CCDC7: variants seen among roughly 807,000 people sequenced by gnomAD.
CCDC7 encodes coiled-coil domain-containing protein 7.
Under a neutral mutation model 196.9 loss-of-function variants are expected in CCDC7, and 183 were observed. The observed-to-expected ratio is 0.93, with a 90% confidence interval of 0.82 to 1.05. CCDC7 has a LOEUF of 1.05. Among genes scored for constraint, CCDC7 ranks in the 50% least tolerant of loss-of-function variants. The probability of loss-of-function intolerance (pLI) is 0.00; values close to 1 mark genes in which losing one functional copy is unlikely to be tolerated. For synonymous variants in CCDC7, 525 were observed against 484.6 expected (o/e 1.08, Z -1.10); for missense variants, 1,540 against 1,482.2 (o/e 1.04, Z -0.64).
intron 25 of CCDC7, among the ~76,000 whole-genome samples, chr10:32,720,553 C>T (rs193178701): frequency 1.1e-4 from 16 of 152,112 alleles, no homozygotes; most frequent in Middle Eastern, 6.8e-3. Context: ...GCACATGTAT[C>T]CCAGAACTTA....
At position 32,828,492 on chromosome 10, in the gene CCDC7, GAAGAAGAA is replaced by G. The variant is rs2091647778; in HGVS notation, c.3268+3889_3268+3896del. 4.0e-3 allele frequency among the ~76,000 whole-genome samples: 361 copies of G among 89,772 alleles called. 1 individual carries two copies. Among genetic ancestry groups the G allele is most frequent in the Middle Eastern group, 0.012 (2 of 170 alleles). 58.9% of individuals were successfully genotyped at this position (89,772 alleles called of 152,430 possible). A position where few individuals can be genotyped will look rare whatever the true frequency, so the allele number is the denominator to read the frequency against. On this transcript the variant is annotated intron_variant, in intron 32 of 41. Transcript: ENST00000639629. ...GGAAGAGGAAGAGGAAGAGGAAGAA[GAAGAAGAA>G]GAAGAAGAAGAAGAAGAAGAAGAAG...
At chr10:32,638,800 G>C (rs973496110) in intron 20 of CCDC7, among the ~76,000 whole-genome samples, 13 of 152,168 alleles carry the variant, frequency 8.5e-5, no homozygotes, top group Admixed American at 2.6e-4. Context: ...GTTTCAGAAG[G>C]AATGGTACCA....
intron 28 of CCDC7, among the ~76,000 whole-genome samples, chr10:32,769,930 G>A (rs752783863): frequency 5.3e-5 from 8 of 152,060 alleles, no homozygotes; most frequent in South Asian, 2.1e-4. Flanking sequence ...GAATAGTGCC[G>A]CAATAAACAT....
intron 9 of CCDC7, among the ~76,000 whole-genome samples, chr10:32,507,364 A>C (rs1403915039): frequency 6.6e-6 from 1 of 152,118 alleles, no homozygotes; most frequent in Non-Finnish European, 1.5e-5. Flanking sequence ...AAATCCATTC[A>C]GCCACTTGAC....
intron 24 of CCDC7, among the ~76,000 whole-genome samples, chr10:32,703,217 C>G (rs981127377): frequency 5.3e-5 from 8 of 152,032 alleles, no homozygotes; most frequent in Non-Finnish European, 8.8e-5. Context: ...CTGGTGGTGA[C>G]AAAATCTCTC....
At chr10:32,701,151 C>T (rs532748285) in intron 24 of CCDC7, among the ~76,000 whole-genome samples, 11 of 152,256 alleles carry the variant, frequency 7.2e-5, no homozygotes, top group South Asian at 2.1e-4. Flanking sequence ...AAAGGGAATG[C>T]GTCCAGTTTT....
chr10:32,722,748 G>A lies in CCDC7; in HGVS notation c.2570-3986G>A, dbSNP rs115342245. Among the ~76,000 whole-genome samples the A allele has an allele frequency of 6.4e-3, 974 of 152,122 alleles. 9 individuals carry two copies. The highest frequency in any genetic ancestry group is 0.022 in the African/African-American group (924 of 41,518). On this transcript the variant is annotated intron_variant, in intron 25 of 41. Coordinates refer to ENST00000639629, the Ensembl canonical transcript of CCDC7. ...TCACATTCTGAGATACTGAGGGTTAGGACTTCAACTTACCTGTTTTAGAGG... is the reference window on the plus strand; with the variant it reads ...TCACATTCTGAGATACTGAGGGTTAAGACTTCAACTTACCTGTTTTAGAGG...
At chr10:32,567,759 A>G (rs776491831) in exon 15 of CCDC7, 7 of 1,613,648 alleles carry the variant, frequency 4.3e-6, no homozygotes, top group Non-Finnish European at 5.9e-6. Context: ...CAACAATGCA[A>G]GTGGGTAATA....
At chr10:32,526,778 A>T (rs950714095) in intron 11 of CCDC7, among the ~76,000 whole-genome samples, 1 of 152,162 alleles carries the variant, frequency 6.6e-6, no homozygotes, top group Admixed American at 6.5e-5. Context: ...GCTAGTATCC[A>T]AGATGCAAGA....
At chr10:32,728,032 A>G (rs1277914817) in intron 26 of CCDC7, among the ~76,000 whole-genome samples, 1 of 152,154 alleles carries the variant, frequency 6.6e-6, no homozygotes, top group Non-Finnish European at 1.5e-5. Flanking sequence ...AAGCGATCAG[A>G]GCCCAAGCAA....
At chr10:32,692,891 A>G (rs546399766) in intron 23 of CCDC7, among the ~76,000 whole-genome samples, 5 of 152,226 alleles carry the variant, frequency 3.3e-5, no homozygotes, top group African/African-American at 7.2e-5. Flanking sequence ...AGTCCCAAAC[A>G]AGAAGCTGTT....
At chr10:32,699,956 C>G (rs1282654409) in intron 24 of CCDC7, among the ~76,000 whole-genome samples, 2 of 149,082 alleles carry the variant, frequency 1.3e-5, no homozygotes, top group East Asian at 3.9e-4. Flanking sequence ...GGATATTAGC[C>G]CTTTGTCAGA....
chr10:32,544,320 C>T lies in CCDC7; in HGVS notation c.1134+19C>T, dbSNP rs773290970. 2 of 1,598,178 alleles carry T rather than the reference C, an allele frequency of 1.3e-6. No individual in the cohort carries two copies. Among genetic ancestry groups the T allele is most frequent in the Admixed American group, 1.7e-5 (1 of 57,688 alleles). ...AGTACAGGTAACACACCCACTCTCT[C>T]TATGCATCAATATTTGATTAATACT... On this transcript the variant is annotated intron_variant, in intron 13 of 41. Coordinates refer to ENST00000639629, the Ensembl canonical transcript of CCDC7.
intron 1 of CCDC7, among the ~76,000 whole-genome samples, chr10:32,452,841 A>G (rs921362595): frequency 1.3e-5 from 2 of 152,210 alleles, no homozygotes; most frequent in Non-Finnish European, 2.9e-5. Context: ...TGAATTGTAA[A>G]TGTACCAAAT....
chr10:32,644,142 G>A (rs1381934449), intron 20 of CCDC7, among the ~76,000 whole-genome samples: 1 of 152,098 alleles, frequency 6.6e-6, no homozygotes, highest in South Asian at 2.1e-4. Context: ...ATAGTATAAT[G>A]ATTGAATCAG....
intron 32 of CCDC7, among the ~76,000 whole-genome samples, chr10:32,831,763 T>C (rs2092204640): frequency 6.6e-6 from 1 of 152,182 alleles, no homozygotes; most frequent in Admixed American, 6.6e-5. Context: ...TTTCATCTCC[T>C]ATGATAACGA....
rs2091125054 is a variant in CCDC7, at chr10:32,826,433, A to ACT, written c.3268+1830_3268+1831dup. Among the ~76,000 whole-genome samples, 3 of 152,322 alleles carry ACT rather than the reference A, an allele frequency of 2.0e-5. No homozygotes were observed. The South Asian group carries it at 6.2e-4, about 32-fold the overall frequency. ...GTCATCAAGTCACCATGTGACCTGAACTGCCTATCATGAACTGGGTGCTTT... is the reference window on the plus strand; with the variant it reads ...GTCATCAAGTCACCATGTGACCTGAACTCTGCCTATCATGAACTGGGTGCTTT... On this transcript the variant is annotated intron_variant, in intron 32 of 41. Coordinates refer to ENST00000639629, the Ensembl canonical transcript of CCDC7.
intron 18 of CCDC7, among the ~76,000 whole-genome samples, chr10:32,616,198 AATG>A (rs1377287764): frequency 2.6e-5 from 4 of 151,938 alleles, no homozygotes; most frequent in Non-Finnish European, 4.4e-5. Context: ...TTCTATGAAA[AATG>A]ATGATAATTT....
intron 41 of CCDC7, among the ~76,000 whole-genome samples, chr10:32,868,616 G>A (rs930917011): frequency 2.6e-5 from 4 of 151,784 alleles, no homozygotes; most frequent in East Asian, 1.9e-4. Flanking sequence ...TGTGCACAAC[G>A]TGCAGGTTAG....
Sources: allele counts gnomAD v4.1 joint callset (sites outside exome capture counted in the v4.1 genomes callset), GRCh38; gene constraint gnomAD v4.1.1; transcripts MANE v1.5; gene names NCBI Gene and HGNC (gene_info 2026-07-23, HGNC 2026-07-21).